Variants in MYO18A observed in about 807,000 individuals in gnomAD.
The protein encoded by MYO18A is myosin XVIIIA.
MYO18A carries 78 observed loss-of-function variants against 235.8 expected under a neutral mutation model. The ratio of observed to expected loss-of-function variants is 0.33; its 90% CI spans 0.28 to 0.40. The LOEUF (loss-of-function observed/expected upper bound fraction) is 0.40, where lower values mean the gene tolerates loss of function less well. Among genes scored for constraint, MYO18A ranks in the 10% least tolerant of loss-of-function variants. The probability of loss-of-function intolerance (pLI) is 1.00; values close to 1 mark genes in which losing one functional copy is unlikely to be tolerated. For synonymous variants in MYO18A, 977 were observed against 1,077.8 expected (o/e 0.91, Z 1.83); for missense variants, 2,215 against 2,699.3 (o/e 0.82, Z 3.98).
rs1045519981 is a variant in MYO18A, at chr17:29,080,355, G to C, written c.6020+1961C>G. Reference sequence around the variant, plus strand: ...GCTCATCCACTGCCGAGGCAGAGCTGCGTGGCCGGGGTGGCACCGACAGAC... The same window carrying C: ...GCTCATCCACTGCCGAGGCAGAGCTCCGTGGCCGGGGTGGCACCGACAGAC... On this transcript the variant is annotated intron_variant, in intron 41 of 41. Transcript: ENST00000527372. 1.1e-5 allele frequency: 11 copies of C among 986,132 alleles called. No individual in the cohort carries two copies. In the Admixed American group the frequency reaches 6.1e-4, roughly 55 times the overall value. The allele number at this position is 986,132 out of a possible 1,614,324, so 61.1% of individuals were successfully genotyped here.
At position 29,179,635 on chromosome 17, in the gene MYO18A, G is replaced by A. The variant is rs150333812; in HGVS notation, c.-82+678C>T. The stretch of plus-strand genomic sequence containing the variant: ...GCACCCCACCCCTCTGCAGGGAAAG[G>A]TGAGGTGAGCATTCAGTCTCAGGGC... On this transcript the variant is annotated intron_variant, in intron 1 of 41. Transcript: ENST00000527372. Among the ~76,000 whole-genome samples the A allele has an allele frequency of 4.9e-3, 743 of 152,254 alleles. 5 individuals carry two copies. The highest frequency in any genetic ancestry group is 0.017 in the African/African-American group (689 of 41,536).
intron 1 of MYO18A, among the ~76,000 whole-genome samples, chr17:29,170,083 C>T (rs1055989845): frequency 1.3e-5 from 2 of 152,154 alleles, no homozygotes; most frequent in African/African-American, 4.8e-5. Context: ...TTGAGCCTGT[C>T]ACTCTGCTCA....
rs747398669 is a variant in MYO18A, at chr17:29,118,160, C to T, written c.1923G>A (p.Gln641=). Residue 641 remains glutamine (Q), a synonymous_variant, in exon 10 of 42, where the codon CAG becomes CAA. Transcript: ENST00000527372. This position sits in a 1 kb window ranked among gnomAD's most constrained non-coding sequence, Gnocchi z 4.2. ...KPEEKQKAAQ[Q]FSKLQAAMKV... is the part of the protein sequence containing the mutation. ...TCATGGCCGCCTGCAGCTTACTAAA[C>T]TGCTGAGCTGCCTTCTGCTTTTCCT... 8.8e-6 allele frequency: 14 copies of T among 1,599,024 alleles called. No homozygotes were observed. In the Admixed American group the frequency reaches 1.0e-4, roughly 12 times the overall value.
intron 30 of MYO18A, 62 bp from the exon 31 acceptor site, chr17:29,094,152 T>A: frequency 8.4e-7 from 1 of 1,197,170 alleles, no homozygotes; most frequent in Non-Finnish European, 1.2e-6. Context: ...CCTTCCCACC[T>A]GTGCATGGCT....
intron 1 of MYO18A, among the ~76,000 whole-genome samples, chr17:29,171,834 A>C (rs763553321): frequency 5.9e-5 from 9 of 151,608 alleles, no homozygotes; most frequent in Non-Finnish European, 1.2e-4. Flanking sequence ...TCGAGGCTAC[A>C]TTGAGCCACG....
chr17:29,127,224 G>A lies in MYO18A; in HGVS notation c.1000-4971C>T, dbSNP rs542994707. ...ACTATTTTGGCGGCAAAACCTGGCA[G>A]TTTATCCTCTATGCCCCTGTAGTGT... On this transcript the variant is annotated intron_variant, in intron 2 of 41. Coordinates refer to ENST00000527372, the MANE Select transcript of MYO18A (RefSeq NM_078471.4). 2.6e-5 allele frequency among the ~76,000 whole-genome samples: 4 copies of A among 152,298 alleles called. No homozygotes were observed. The South Asian group carries it at 8.3e-4, about 32-fold the overall frequency.
chr17:29,144,601 T>A (rs897351930), intron 2 of MYO18A, among the ~76,000 whole-genome samples: 1 of 152,270 alleles, frequency 6.6e-6, no homozygotes, highest in Admixed American at 6.5e-5. Context: ...TAAAATAGTA[T>A]GATATCCACC....
intron 41 of MYO18A, 53 bp downstream of exon 41, chr17:29,082,263 A>G (rs1174442694): frequency 6.2e-7 from 1 of 1,611,104 alleles, no homozygotes; most frequent in East Asian, 2.2e-5. Flanking sequence ...CTACTTGTCC[A>G]TTCCTTGTGG....
intron 19 of MYO18A, among the ~76,000 whole-genome samples, chr17:29,108,206 G>A (rs994229438): frequency 6.6e-6 from 1 of 152,102 alleles, no homozygotes; most frequent in Non-Finnish European, 1.5e-5. Flanking sequence ...CATGAGAAAG[G>A]CTGCCCTCCT....
Position 29,166,824 on chromosome 17 carries a change from C to T in MYO18A, c.117G>A (p.Met39Ile), listed in dbSNP as rs368368295. The part of the protein sequence containing the change: ...SAAELRSLEE[M>I]SLRRGFFNLN... ...GGTTGAAGAAGCCACGTCGCAGGCT[C>T]ATCTCCTCCAGGCTCCGAAGCTCTG... Residue 39 changes from methionine (M) to isoleucine (I), a missense_variant, in exon 2 of 42, where the codon ATG becomes ATA. Transcript: ENST00000527372. 6 of 1,595,030 alleles carry T rather than the reference C, an allele frequency of 3.8e-6. No homozygotes were observed. Among genetic ancestry groups the T allele is most frequent in the Non-Finnish European group, 5.1e-6 (6 of 1,171,538 alleles).
intron 27 of MYO18A, 23 bp from the exon 28 acceptor site, chr17:29,096,938 T>C (rs1598295232): frequency 6.5e-7 from 1 of 1,528,908 alleles, no homozygotes; most frequent in Admixed American, 2.0e-5. Context: ...ATGGGGTGCA[T>C]ATACAGAGAG....
chr17:29,099,077 G>T, intron 22 of MYO18A, 108 bp from the exon 23 acceptor site: 1 of 1,406,890 alleles, frequency 7.1e-7, no homozygotes, highest in Non-Finnish European at 9.8e-7. Flanking sequence ...CTGCTCCTCT[G>T]GCCCCCTGAC....
At chr17:29,177,103 T>G (rs2068551381) in intron 1 of MYO18A, among the ~76,000 whole-genome samples, 1 of 152,068 alleles carries the variant, frequency 6.6e-6, no homozygotes, top group Admixed American at 6.6e-5. Flanking sequence ...AAGCCTCCAC[T>G]ATTTCAGCTA....
chr17:29,097,097 A>G, intron 27 of MYO18A, 126 bp downstream of exon 27: 1 of 1,452,940 alleles, frequency 6.9e-7, no homozygotes, highest in Non-Finnish European at 9.2e-7. Context: ...CAAGAAGCTA[A>G]CATGCCAGCC....
At chr17:29,136,250 A>AAAAAAAT (rs1483354837) in intron 2 of MYO18A, among the ~76,000 whole-genome samples, 3 of 82,470 alleles carry the variant, frequency 3.6e-5, no homozygotes, top group East Asian at 2.9e-4. Context: ...AAAAAAAAAA[A>AAAAAAAT]ATATATATAT....
intron 1 of MYO18A, 39 bp from the exon 2 acceptor site, chr17:29,167,060 C>G (rs2068301903): frequency 7.2e-7 from 1 of 1,388,020 alleles, no homozygotes; most frequent in Non-Finnish European, 9.5e-7. Context: ...GTTATTCGAA[C>G]AGAGCCTCAT....
At chr17:29,095,980 G>A (rs549946235) in intron 28 of MYO18A, among the ~76,000 whole-genome samples, 179 of 152,312 alleles carry the variant, frequency 1.2e-3, no homozygotes, top group African/African-American at 4.2e-3. Flanking sequence ...GGTGGTCATG[G>A]TGTCAGGTGG....
intron 41 of MYO18A, chr17:29,079,819 T>G (rs565119263): frequency 1.0e-6 from 1 of 986,078 alleles, no homozygotes; most frequent in South Asian, 4.7e-5. Context: ...CGACGGCCGG[T>G]GCGTCTGCCC....
intron 2 of MYO18A, among the ~76,000 whole-genome samples, chr17:29,142,814 T>C (rs1470437088): frequency 5.3e-5 from 8 of 152,258 alleles, no homozygotes; most frequent in Non-Finnish European, 1.0e-4. Context: ...TTTTCATTTG[T>C]ATTTTATTTT....
Sources: allele counts gnomAD v4.1 joint callset (sites outside exome capture counted in the v4.1 genomes callset), GRCh38; gene constraint gnomAD v4.1.1; non-coding constraint Gnocchi (gnomAD v3.1); transcripts MANE v1.5; gene names NCBI Gene and HGNC (gene_info 2026-07-23, HGNC 2026-07-21).